CENPP: variants seen among roughly 807,000 people sequenced by gnomAD.
CENPP encodes centromere protein P.
In CENPP, 24 loss-of-function variants were observed where a neutral mutation model predicts 35.6. That is an observed-to-expected ratio of 0.67 (90% CI 0.49 to 0.95). The LOEUF (loss-of-function observed/expected upper bound fraction) is 0.95, where lower values mean the gene tolerates loss of function less well. Ranked by LOEUF, CENPP falls within the 40% of genes least tolerant of loss-of-function variation. CENPP has a pLI of 0.00. For missense variants in CENPP, 332 were observed against 345.3 expected (o/e 0.96, Z 0.31); for synonymous variants, 120 against 125.5 (o/e 0.96, Z 0.29).
intron 5 of CENPP, among the ~76,000 whole-genome samples, chr9:92,501,510 AT>A (rs1048031596): frequency 6.6e-6 from 1 of 152,036 alleles, no homozygotes; most frequent in Non-Finnish European, 1.5e-5. Context: ...TTCATTCCAC[AT>A]TTGATTTGAT....
intron 5 of CENPP, chr9:92,403,438 A>G: frequency 1.3e-6 from 2 of 1,587,118 alleles, no homozygotes; most frequent in South Asian, 1.2e-5. Flanking sequence ...CTGGAAGTTA[A>G]TAAACTAGTG....
intron 4 of CENPP, among the ~76,000 whole-genome samples, chr9:92,376,625 C>G (rs1000730934): frequency 6.6e-6 from 1 of 152,140 alleles, no homozygotes; most frequent in Non-Finnish European, 1.5e-5. Flanking sequence ...CCAGGTGTAC[C>G]GCTTGCATAG....
At chr9:92,450,919 G>A (rs941761508) in intron 5 of CENPP, among the ~76,000 whole-genome samples, 19 of 152,034 alleles carry the variant, frequency 1.2e-4, no homozygotes, top group Admixed American at 2.6e-4. Flanking sequence ...TGTTCATGTC[G>A]TTCGCCCACT....
chr9:92,551,953 GATAT>G (rs373483608), intron 5 of CENPP, among the ~76,000 whole-genome samples: 1 of 108,136 alleles, frequency 9.2e-6, no homozygotes, highest in East Asian at 2.5e-4. Context: ...ATATATATAT[GATAT>G]ATATATGTGT....
chr9:92,562,850 C>A (rs962545141), intron 5 of CENPP, among the ~76,000 whole-genome samples: 3 of 152,106 alleles, frequency 2.0e-5, no homozygotes, highest in African/African-American at 7.2e-5. Context: ...TAACCCATCA[C>A]TTATGGGGGG....
chr9:92,326,918 A>C (rs946324503), intron 1 of CENPP, among the ~76,000 whole-genome samples: 2 of 152,256 alleles, frequency 1.3e-5, no homozygotes, highest in Non-Finnish European at 2.9e-5. Flanking sequence ...GAATTGGTAG[A>C]AAATGGGAAG....
At chr9:92,585,680 T>G (rs1564012085) in intron 5 of CENPP, among the ~76,000 whole-genome samples, 1 of 152,180 alleles carries the variant, frequency 6.6e-6, no homozygotes, top group East Asian at 1.9e-4. Context: ...CTTTCGGAAC[T>G]CTGGAATCTA....
intron 5 of CENPP, among the ~76,000 whole-genome samples, chr9:92,477,147 G>T (rs1845740549): frequency 6.6e-6 from 1 of 152,166 alleles, no homozygotes; most frequent in African/African-American, 2.4e-5. Context: ...CTACTGTTCT[G>T]TAGCAGGCAT....
intron 5 of CENPP, among the ~76,000 whole-genome samples, chr9:92,477,659 C>T (rs529043714): frequency 8.5e-5 from 13 of 152,196 alleles, no homozygotes; most frequent in Non-Finnish European, 1.3e-4. Context: ...CAGTGTCACT[C>T]GTCAGAATGC....
chr9:92,481,706 A>G (rs1349227802), intron 5 of CENPP, among the ~76,000 whole-genome samples: 2 of 152,142 alleles, frequency 1.3e-5, no homozygotes, highest in Non-Finnish European at 2.9e-5. Flanking sequence ...ACTATTGCTG[A>G]TAAGTATTCT....
chr9:92,600,677 A>C (rs1447640275), intron 5 of CENPP, among the ~76,000 whole-genome samples: 3 of 152,230 alleles, frequency 2.0e-5, no homozygotes, highest in African/African-American at 7.2e-5. Context: ...CTCCTGTGGC[A>C]AAGTGCTGCA....
At chr9:92,330,039 G>A (rs1350976532) in intron 1 of CENPP, among the ~76,000 whole-genome samples, 1 of 152,152 alleles carries the variant, frequency 6.6e-6, no homozygotes, top group Non-Finnish European at 1.5e-5. Context: ...GAAGAATATA[G>A]AGTTAGATTA....
intron 5 of CENPP, among the ~76,000 whole-genome samples, chr9:92,380,684 A>G (rs963425410): frequency 6.6e-5 from 10 of 152,190 alleles, no homozygotes; most frequent in African/African-American, 2.4e-4. Context: ...AGGTGTTCTC[A>G]TGATTTTGTT....
chr9:92,514,932 CT>C (rs1481467948), intron 5 of CENPP: 11 of 1,613,922 alleles, frequency 6.8e-6, no homozygotes, highest in Non-Finnish European at 7.6e-6. Context: ...CAGGCCTCTG[CT>C]TTCTGTCTCC....
intron 5 of CENPP, among the ~76,000 whole-genome samples, chr9:92,562,821 A>T (rs113071922): frequency 1.7e-4 from 26 of 152,290 alleles, no homozygotes; most frequent in African/African-American, 6.0e-4. Context: ...AATGAAAAAG[A>T]CGACTTTGGC....
chr9:92,382,891 C>CCT (rs1842289958), intron 5 of CENPP, among the ~76,000 whole-genome samples: 1 of 113,326 alleles, frequency 8.8e-6, no homozygotes, highest in African/African-American at 3.0e-5. Flanking sequence ...ACACTGTTTT[C>CCT]CTTTTTTTTT....
chr9:92,615,607 G>A lies in CENPP; in HGVS notation c.*2458G>A. ...GGCTTAACGGACACTTCCATTTTAAGAGTGTGAGCAGCTTCCTGGGACACA... is the reference window on the plus strand; with the variant it reads ...GGCTTAACGGACACTTCCATTTTAAAAGTGTGAGCAGCTTCCTGGGACACA... On this transcript the variant is annotated 3_prime_UTR_variant, in exon 8 of 8. Coordinates refer to ENST00000375587, the MANE Select transcript of CENPP (RefSeq NM_001012267.3). The A allele has an allele frequency of 3.8e-6, 2 of 522,804 alleles. No individual in the cohort carries two copies. Among genetic ancestry groups the A allele is most frequent in the Non-Finnish European group, 6.9e-6 (2 of 289,778 alleles). The allele number at this position is 522,804 out of a possible 1,614,324, so 32.4% of individuals were successfully genotyped here.
At chr9:92,604,260 G>A (rs1851010177) in intron 5 of CENPP, among the ~76,000 whole-genome samples, 1 of 152,158 alleles carries the variant, frequency 6.6e-6, no homozygotes, top group Non-Finnish European at 1.5e-5. Context: ...GCATCACCGT[G>A]TGGTTTTAAT....
At chr9:92,411,188 G>T (rs1843435469) in intron 5 of CENPP, among the ~76,000 whole-genome samples, 1 of 152,098 alleles carries the variant, frequency 6.6e-6, no homozygotes, top group African/African-American at 2.4e-5. Context: ...TAGCCAGGAT[G>T]GTCTCAGTCT....
Sources: allele counts gnomAD v4.1 joint callset (sites outside exome capture counted in the v4.1 genomes callset), GRCh38; gene constraint gnomAD v4.1.1; transcripts MANE v1.5; gene names NCBI Gene and HGNC (gene_info 2026-07-23, HGNC 2026-07-21).